Variants in HSPA4 observed in about 807,000 individuals in gnomAD.
HSPA4 encodes the protein heat shock protein family A (Hsp70) member 4.
HSPA4 carries 25 observed loss-of-function variants against 106.2 expected under a neutral mutation model. The ratio of observed to expected loss-of-function variants is 0.24; its 90% CI spans 0.17 to 0.33. HSPA4 has a LOEUF of 0.33. Ranked by LOEUF, HSPA4 falls within the 10% of genes least tolerant of loss-of-function variation. The pLI is 1.00. For missense variants in HSPA4, 841 were observed against 996.0 expected, an observed-to-expected ratio of 0.84 and a Z score of 2.10; for synonymous variants, 332 against 333.6, an observed-to-expected ratio of 1.00 and a Z score of 0.05.
intron 12 of HSPA4, among the ~76,000 whole-genome samples, chr5:133,091,966 G>A (rs1448863935): frequency 6.6e-6 from 1 of 152,140 alleles, no homozygotes; most frequent in Non-Finnish European, 1.5e-5. Flanking sequence ...GGAGGATTGC[G>A]TGAGCCTAGG....
intron 1 of HSPA4, among the ~76,000 whole-genome samples, chr5:133,064,082 AT>A (rs1348530530): frequency 6.6e-6 from 1 of 152,212 alleles, no homozygotes; most frequent in African/African-American, 2.4e-5. Flanking sequence ...CAGAGTTTTT[AT>A]TTAACCTTCA....
intron 16 of HSPA4, 104 bp from the exon 17 acceptor site, chr5:133,101,655 T>C (rs1231211834): frequency 2.9e-6 from 3 of 1,051,406 alleles, no homozygotes; most frequent in African/African-American, 1.6e-5. Flanking sequence ...TAACTTCTTA[T>C]ATATAGCACA....
intron 3 of HSPA4, among the ~76,000 whole-genome samples, chr5:133,069,083 A>G (rs1270994564): frequency 6.6e-6 from 1 of 152,206 alleles, no homozygotes; most frequent in African/African-American, 2.4e-5. Flanking sequence ...GAAGAGAGCA[A>G]CATGTTCTAT....
chr5:133,072,415 T>TTTTTTG (rs1177051206), intron 4 of HSPA4, among the ~76,000 whole-genome samples: 1 of 145,072 alleles, frequency 6.9e-6, no homozygotes, highest in South Asian at 2.2e-4. Context: ...TTTTTTTTTT[T>TTTTTTG]GGAGACTGAG....
At chr5:133,086,886 T>G in intron 8 of HSPA4, 28 bp downstream of exon 8, 1 of 1,494,044 alleles carries the variant, frequency 6.7e-7, no homozygotes, top group Non-Finnish European at 9.3e-7. Context: ...TGAATTTGTT[T>G]GCGTATCTCA....
intron 7 of HSPA4, among the ~76,000 whole-genome samples, chr5:133,080,417 CAAAAAAAAAAAAAAAA>C (rs33998797): frequency 2.9e-5 from 2 of 68,142 alleles, no homozygotes; most frequent in African/African-American, 1.1e-4. Flanking sequence ...GACCCTGTCT[CAAAAAAAAAAAAAAAA>C]AAAAAAAACC....
At chr5:133,068,185 C>T (rs1323126025) in intron 3 of HSPA4, among the ~76,000 whole-genome samples, 3 of 152,136 alleles carry the variant, frequency 2.0e-5, no homozygotes, top group Non-Finnish European at 4.4e-5. Flanking sequence ...AGCCACCGCA[C>T]CTGGTAGGAA....
intron 1 of HSPA4, among the ~76,000 whole-genome samples, chr5:133,054,314 T>A (rs1225684478): frequency 1.3e-5 from 2 of 152,138 alleles, no homozygotes; most frequent in Non-Finnish European, 2.9e-5. Flanking sequence ...GCGATTCTCC[T>A]GCGTCAGCCT....
At chr5:133,101,692 GT>G in intron 16 of HSPA4, 66 bp from the exon 17 acceptor site, 3 of 1,460,188 alleles carry the variant, frequency 2.1e-6, no homozygotes, top group Non-Finnish European at 2.8e-6. Flanking sequence ...TTTATCACTA[GT>G]TTTAGTGGAA....
chr5:133,088,407 TAAAG>T lies in HSPA4; in HGVS notation c.996_999del (p.Glu333IlefsTer7). ...CTGTCTAATTCTTTAAAAATAGAGT[TAAAG>T]AAAGAAGATATTTATGCAGTGGAGA... On this transcript the variant is annotated frameshift_variant, in exon 9 of 19. Coordinates refer to ENST00000304858, the MANE Select transcript of HSPA4 (RefSeq NM_002154.4). LOFTEE classifies it high-confidence loss of function. 1.2e-6 allele frequency: 2 copies of T among 1,600,184 alleles called. No individual in the cohort carries two copies. Among genetic ancestry groups the T allele is most frequent in the Non-Finnish European group, 1.7e-6 (2 of 1,168,554 alleles).
rs373628820 is a variant in HSPA4, at chr5:133,086,825, G to C, written c.952G>C (p.Glu318Gln). Reference protein sequence around the residue: ...EMCNDLLARVEPPLRSVLEQT... With the variant: ...EMCNDLLARVQPPLRSVLEQT... ...GTGCAATGATCTCTTAGCTAGAGTG[G>C]AGCCACCACTTCGTAGTGTTTTGGA... is the stretch of plus-strand genomic sequence containing the variant. The change falls in exon 8 of 19, where the codon GAG (glutamate) becomes CAG (glutamine). Residue 318 changes from glutamate (E) to glutamine (Q), a missense_variant. Transcript: ENST00000304858. 14 of 1,613,800 alleles carry C rather than the reference G, an allele frequency of 8.7e-6. No individual in the cohort carries two copies. The highest frequency in any genetic ancestry group is 1.1e-5 in the Non-Finnish European group (13 of 1,179,810).
At chr5:133,055,967 A>ACT (rs1251709562) in intron 1 of HSPA4, among the ~76,000 whole-genome samples, 1 of 151,978 alleles carries the variant, frequency 6.6e-6, no homozygotes. Flanking sequence ...GGTCCCAGCT[A>ACT]CTCTGGAGGC....
At chr5:133,067,681 C>CT in intron 3 of HSPA4, 124 bp downstream of exon 3, 1 of 830,700 alleles carries the variant, frequency 1.2e-6, no homozygotes, top group Non-Finnish European at 1.9e-6. Context: ...TTAGGGAAAG[C>CT]TTTTTTCTAG....
At chr5:133,070,338 AT>A (rs1561578452) in intron 3 of HSPA4, 35 bp from the exon 4 acceptor site, 1 of 1,581,982 alleles carries the variant, frequency 6.3e-7, no homozygotes, top group East Asian at 2.3e-5. Context: ...AGAAAGAAAT[AT>A]AATAAGTCTA....
chr5:133,091,194 T>C lies in HSPA4; in HGVS notation c.1380T>C (p.Ala460=). ...QDLPYPDPAI[A]QFSVQKVTPQ... is the part of the protein sequence containing the mutation. ...CTTTTGTCTCTCGTATGTCCCTAGC[T>C]CAGTTTTCAGTTCAGAAAGTCACTC... is the stretch of plus-strand genomic sequence containing the variant. The change falls in exon 12 of 19, where the codon GCT becomes GCC. Residue 460 remains alanine, a splice_region_variant and synonymous_variant. Transcript: ENST00000304858. The C allele has an allele frequency of 1.9e-6, 3 of 1,613,496 alleles. No homozygotes were observed. The highest frequency in any genetic ancestry group is 2.5e-6 in the Non-Finnish European group (3 of 1,179,452).
intron 1 of HSPA4, among the ~76,000 whole-genome samples, chr5:133,060,836 T>G (rs571219382): frequency 6.7e-6 from 1 of 149,980 alleles, no homozygotes; most frequent in Non-Finnish European, 1.5e-5. Context: ...TTTTTTTTTT[T>G]TGAGACAAGG....
intron 1 of HSPA4, among the ~76,000 whole-genome samples, chr5:133,054,075 A>C (rs1765127412): frequency 6.6e-6 from 1 of 152,066 alleles, no homozygotes; most frequent in African/African-American, 2.4e-5. Flanking sequence ...TCCACTTGTC[A>C]AATTTCCGCA....
chr5:133,082,034 A>C (rs140810836), intron 7 of HSPA4, among the ~76,000 whole-genome samples: 1 of 152,250 alleles, frequency 6.6e-6, no homozygotes, highest in African/African-American at 2.4e-5. Flanking sequence ...ATGTTCATCA[A>C]CTGATGAAGT....
At chr5:133,052,753 G>C (rs921716959) in intron 1 of HSPA4, 1 of 172,248 alleles carries the variant, frequency 5.8e-6, no homozygotes, top group African/African-American at 2.4e-5. Flanking sequence ...TCAGAACTTT[G>C]CACACAGCAG....
Sources: allele counts gnomAD v4.1 joint callset (sites outside exome capture counted in the v4.1 genomes callset), GRCh38; gene constraint gnomAD v4.1.1; transcripts MANE v1.5; gene names NCBI Gene and HGNC (gene_info 2026-07-23, HGNC 2026-07-21).